The following EPB41L3 variants were observed in gnomAD, a reference collection of about 807,000 sequenced individuals.
EPB41L3 encodes the protein erythrocyte membrane protein band 4.1 like 3, also known as band 4.1-like protein 3.
In EPB41L3, 57 loss-of-function variants were observed where a neutral mutation model predicts 127.1. The observed-to-expected ratio is 0.45, with a 90% confidence interval of 0.36 to 0.56. The LOEUF is 0.56. EPB41L3 is among the 20% of genes least tolerant of loss of function. The pLI is 0.00. For missense variants in EPB41L3, 1,273 were observed against 1,372.2 expected (o/e 0.93, Z 1.14); for synonymous variants, 572 against 549.5 (o/e 1.04, Z -0.57).
At chr18:5,583,435 A>C (rs2094413737) in intron 3 of EPB41L3, among the ~76,000 whole-genome samples, 1 of 152,212 alleles carries the variant, frequency 6.6e-6, no homozygotes. Flanking sequence ...CAGTCTATAC[A>C]GGTCATTAAG....
chr18:5,420,643 A>C (rs1012283628), intron 11 of EPB41L3, among the ~76,000 whole-genome samples: 3 of 152,246 alleles, frequency 2.0e-5, no homozygotes, highest in African/African-American at 7.2e-5. Context: ...AAAACATGCA[A>C]ACTCAAGAGA....
At chr18:5,415,782 A>T (rs779039091) in intron 13 of EPB41L3, 36 bp downstream of exon 13, 1 of 1,587,872 alleles carries the variant, frequency 6.3e-7, no homozygotes, top group Non-Finnish European at 8.6e-7. Flanking sequence ...AGCACGGAAC[A>T]CGAAGGGGAA....
chr18:5,393,371 T>C lies in EPB41L3; in HGVS notation c.*114A>G, dbSNP rs1293542679. 1 of 609,672 alleles carries C rather than the reference T, an allele frequency of 1.6e-6. No individual in the cohort carries two copies. The highest frequency in any genetic ancestry group is 1.9e-5 in the African/African-American group (1 of 52,964). The allele number at this position is 609,672 out of a possible 1,614,324, so 37.8% of individuals were successfully genotyped here. A position where few individuals can be genotyped will look rare whatever the true frequency, so the allele number is the denominator to read the frequency against. On this transcript the variant is annotated 3_prime_UTR_variant, in exon 23 of 23. Transcript: ENST00000341928. ...AAGGTCAATTCTTCTGGACTGAAAT[T>C]TTCCACGGACAGATACAAGTCAGTT...
intron 8 of EPB41L3, among the ~76,000 whole-genome samples, chr18:5,431,712 T>C (rs936240371): frequency 1.3e-5 from 2 of 152,136 alleles, no homozygotes; most frequent in Admixed American, 6.6e-5. Context: ...AAAAATAGCT[T>C]CAGATTCACT....
intron 1 of EPB41L3, among the ~76,000 whole-genome samples, chr18:5,627,931 C>A (rs928223322): frequency 2.8e-4 from 43 of 152,204 alleles, no homozygotes; most frequent in Admixed American, 2.8e-3. Flanking sequence ...TCTTTGACCC[C>A]TTGGTGTCAC....
chr18:5,564,541 C>T, intron 3 of EPB41L3, among the ~76,000 whole-genome samples: 1 of 152,096 alleles, frequency 6.6e-6, no homozygotes, highest in East Asian at 1.9e-4. Context: ...TGGTGGGTCA[C>T]AGGGCAGATT....
At chr18:5,557,808 CA>C in intron 3 of EPB41L3, among the ~76,000 whole-genome samples, 1 of 152,196 alleles carries the variant, frequency 6.6e-6, no homozygotes, top group Non-Finnish European at 1.5e-5. Context: ...TGGAAGGAGC[CA>C]AAATGATTTT....
chr18:5,544,025 G>A, upstream of EPB41L3: 1 of 985,584 alleles, frequency 1.0e-6, no homozygotes, highest in Non-Finnish European at 1.2e-6. Context: ...CGCAGCCCAG[G>A]GCTGCTCGCC....
intron 1 of EPB41L3, among the ~76,000 whole-genome samples, chr18:5,526,413 G>A (rs968488664): frequency 6.6e-6 from 1 of 152,074 alleles, no homozygotes; most frequent in African/African-American, 2.4e-5. Context: ...CTTTATCAAC[G>A]AGACACATTC....
chr18:5,545,253 T>A (rs150624306), upstream of EPB41L3, among the ~76,000 whole-genome samples: 1 of 152,254 alleles, frequency 6.6e-6, no homozygotes, highest in African/African-American at 2.4e-5. Context: ...CGGTTGCCCC[T>A]CCAGGAGCTC....
chr18:5,578,127 G>T (rs1418102957), intron 3 of EPB41L3, among the ~76,000 whole-genome samples: 1 of 152,074 alleles, frequency 6.6e-6, no homozygotes, highest in East Asian at 1.9e-4. Flanking sequence ...GGTGGGACAG[G>T]GCCCAGAGAG....
chr18:5,487,418 A>G (rs1012274824), intron 2 of EPB41L3, among the ~76,000 whole-genome samples: 10 of 150,076 alleles, frequency 6.7e-5, no homozygotes, highest in Non-Finnish European at 1.0e-4. Flanking sequence ...TTTTATATAA[A>G]AATATAAATG....
At chr18:5,417,169 T>C (rs2076929426) in intron 12 of EPB41L3, among the ~76,000 whole-genome samples, 1 of 152,246 alleles carries the variant, frequency 6.6e-6, no homozygotes. Flanking sequence ...CTTTCTATTA[T>C]TTATGATGCA....
chr18:5,524,301 C>T (rs1388084133), intron 1 of EPB41L3, among the ~76,000 whole-genome samples: 1 of 152,122 alleles, frequency 6.6e-6, no homozygotes, highest in Non-Finnish European at 1.5e-5. Context: ...TTAACCAAGT[C>T]TCCCGCCGCA....
At chr18:5,484,097 A>AAAAAAAAAAAAAAAAAAAAAAAAC in intron 2 of EPB41L3, among the ~76,000 whole-genome samples, 1 of 134,130 alleles carries the variant, frequency 7.5e-6, no homozygotes, top group South Asian at 2.4e-4. Context: ...AAAAAAAAAA[A>AAAAAAAAAAAAAAAAAAAAAAAAC]AAAAAAAAAA....
At chr18:5,529,645 C>T (rs1265892856) in intron 1 of EPB41L3, among the ~76,000 whole-genome samples, 1 of 152,228 alleles carries the variant, frequency 6.6e-6, no homozygotes, top group Non-Finnish European at 1.5e-5. Flanking sequence ...ACAGTGAACA[C>T]TACCTCTTTC....
chr18:5,489,015 G>A lies in EPB41L3; in HGVS notation c.169C>T (p.Pro57Ser), dbSNP rs1321456215. ...CCTGGGCTCACCTCCCTCCGCACCGGGGTGCTGTGCGCTGCAGCGGCGGCG... is the reference window on the plus strand; with the variant it reads ...CCTGGGCTCACCTCCCTCCGCACCGAGGTGCTGTGCGCTGCAGCGGCGGCG... ...QFAAAAAHST[P>S]VRREVTDKEQ... The change falls in exon 2 of 23, where the codon CCG becomes TCG. Residue 57 changes from proline to serine, a missense_variant. Around this residue, in one of 3 missense-constraint regions of EPB41L3, gnomAD observed 182 missense variants for 149.2 expected, o/e 1.22. Coordinates refer to ENST00000341928, the MANE Select transcript of EPB41L3 (RefSeq NM_012307.5). 5 of 1,584,812 alleles carry A rather than the reference G, an allele frequency of 3.2e-6. No individual in the cohort carries two copies. Among genetic ancestry groups the A allele is most frequent in the Non-Finnish European group, 4.3e-6 (5 of 1,174,020 alleles).
intron 1 of EPB41L3, among the ~76,000 whole-genome samples, chr18:5,528,199 G>T (rs2093296717): frequency 6.6e-6 from 1 of 152,086 alleles, no homozygotes; most frequent in Admixed American, 6.6e-5. Context: ...ACAGGATCTT[G>T]CTCTGTCACC....
At chr18:5,517,547 C>T (rs2092799131) in intron 1 of EPB41L3, among the ~76,000 whole-genome samples, 1 of 152,078 alleles carries the variant, frequency 6.6e-6, no homozygotes, top group African/African-American at 2.4e-5. Flanking sequence ...AGCGATTCTC[C>T]ACCTCAGCTT....
Sources: gnomAD v4.1 joint callset for allele counts (sites outside exome capture counted in the v4.1 genomes callset) on GRCh38, gnomAD v4.1.1 for gene constraint, gnomAD v4.1.1 regional missense constraint, MANE v1.5 for transcripts, NCBI Gene and HGNC (gene_info 2026-07-23, HGNC 2026-07-21) for gene names.